The following PEAK1 variants were observed in gnomAD, a reference collection of about 807,000 sequenced individuals.
PEAK1 encodes the protein pseudopodium enriched atypical kinase 1.
Under a neutral mutation model 124.7 loss-of-function variants are expected in PEAK1, and 54 were observed. The ratio of observed to expected loss-of-function variants is 0.43; its 90% CI spans 0.35 to 0.54. The LOEUF (loss-of-function observed/expected upper bound fraction) is 0.54. Ranked by LOEUF, PEAK1 falls within the 20% of genes least tolerant of loss-of-function variation. The pLI is 0.01. For synonymous variants in PEAK1, 719 were observed against 760.0 expected (o/e 0.95, Z 0.89); for missense variants, 2,046 against 2,134.5 (o/e 0.96, Z 0.82).
chr15:77,363,157 C>CT (rs1170282099), intron 2 of PEAK1, among the ~76,000 whole-genome samples: 10 of 152,022 alleles, frequency 6.6e-5, no homozygotes, highest in South Asian at 2.1e-4. Flanking sequence ...TGCCAGACCA[C>CT]TTTTTTTAGC....
intron 6 of PEAK1, among the ~76,000 whole-genome samples, chr15:77,219,363 T>C (rs958899151): frequency 6.6e-6 from 1 of 152,134 alleles, no homozygotes; most frequent in African/African-American, 2.4e-5. Context: ...GGAGGGAGTG[T>C]ACACATTGTT....
intron 6 of PEAK1, among the ~76,000 whole-genome samples, chr15:77,204,310 G>A (rs929487384): frequency 6.6e-6 from 1 of 152,092 alleles, no homozygotes; most frequent in African/African-American, 2.4e-5. Flanking sequence ...ATGCAAAATG[G>A]TACAGACCCT....
intron 7 of PEAK1, among the ~76,000 whole-genome samples, chr15:77,169,786 T>G (rs562523773): frequency 6.6e-6 from 1 of 152,078 alleles, no homozygotes; most frequent in Admixed American, 6.6e-5. Context: ...ATTTTGGATG[T>G]TGGGGGTGAA....
chr15:77,355,990 G>A, intron 2 of PEAK1: 3 of 945,792 alleles, frequency 3.2e-6, no homozygotes, highest in Non-Finnish European at 3.8e-6. Flanking sequence ...TAACAAACGA[G>A]AAAAAGAACT....
intron 1 of PEAK1, chr15:77,371,404 T>C (rs1476780877): frequency 1.0e-6 from 1 of 960,574 alleles, no homozygotes; most frequent in Non-Finnish European, 1.2e-6. Context: ...AGTGAAGCCA[T>C]CAAAAAACTT....
chr15:77,342,902 A>G (rs1482476051), intron 2 of PEAK1, among the ~76,000 whole-genome samples: 1 of 152,144 alleles, frequency 6.6e-6, no homozygotes, highest in Non-Finnish European at 1.5e-5. Flanking sequence ...AGCTATTATA[A>G]ATAGTGTTGC....
intron 5 of PEAK1, among the ~76,000 whole-genome samples, chr15:77,269,868 G>T (rs1192748854): frequency 2.0e-5 from 3 of 152,114 alleles, no homozygotes; most frequent in Non-Finnish European, 4.4e-5. Flanking sequence ...CTGGTATGTT[G>T]TACCTTTGTT....
chr15:77,109,620 A>G lies in PEAK1; in HGVS notation c.*4536T>C, dbSNP rs1179314447. The stretch of plus-strand genomic sequence containing the variant: ...CTGTAAGCACGGACAGCTGGACTTC[A>G]GTGCGCACTTCAGCAAGAGCAGCAC... On this transcript the variant is annotated 3_prime_UTR_variant, in exon 10 of 10. Transcript: ENST00000682557. The G allele has an allele frequency of 1.3e-5, 2 of 152,224 alleles. No homozygotes were observed. The highest frequency in any genetic ancestry group is 2.9e-5 in the Non-Finnish European group (2 of 68,042). The allele number at this position is 152,224 out of a possible 1,614,324, so 9.4% of individuals were successfully genotyped here.
intron 6 of PEAK1, among the ~76,000 whole-genome samples, chr15:77,200,373 A>G (rs1567106319): frequency 6.6e-6 from 1 of 152,126 alleles, no homozygotes; most frequent in Non-Finnish European, 1.5e-5. Context: ...GTTTTTGAGG[A>G]GTCAAAAGTT....
intron 1 of PEAK1, among the ~76,000 whole-genome samples, chr15:77,383,301 C>T (rs993619156): frequency 1.3e-5 from 2 of 152,170 alleles, no homozygotes; most frequent in African/African-American, 4.8e-5. Flanking sequence ...GCTGGGATTA[C>T]AGACATGAGC....
At chr15:77,165,013 C>T (rs897413652) in intron 7 of PEAK1, among the ~76,000 whole-genome samples, 3 of 151,308 alleles carry the variant, frequency 2.0e-5, no homozygotes, top group African/African-American at 7.3e-5. Flanking sequence ...AAGAGATTTT[C>T]CTACCTCAGT....
At chr15:77,147,087 T>C (rs546493373) in intron 8 of PEAK1, among the ~76,000 whole-genome samples, 1 of 152,214 alleles carries the variant, frequency 6.6e-6, no homozygotes, top group South Asian at 2.1e-4. Context: ...TGTTGATCTA[T>C]AGAAAGGAAA....
In PEAK1 at chr15:77,352,765, C is replaced by G. The variant is rs2067284529; in HGVS notation, c.-603+12398G>C. 3 of 968,414 alleles carry G rather than the reference C, an allele frequency of 3.1e-6. No homozygotes were observed. The Admixed American group carries it at 1.9e-4, about 60-fold the overall frequency. The allele number at this position is 968,414 out of a possible 1,614,324, so 60.0% of individuals were successfully genotyped here. On this transcript the variant is annotated intron_variant, in intron 2 of 9. Transcript: ENST00000682557. ...AAAAATATTTTCCCTATAAGACAGA[C>G]ATACAAAAGTCAGGATCAACTTCTC... is the stretch of plus-strand genomic sequence containing the variant.
intron 2 of PEAK1, among the ~76,000 whole-genome samples, chr15:77,310,149 C>T (rs1446185671): frequency 2.0e-5 from 3 of 152,150 alleles, no homozygotes; most frequent in Non-Finnish European, 4.4e-5. Context: ...TGGACTAAAA[C>T]TCAGTAACTC....
intron 2 of PEAK1, among the ~76,000 whole-genome samples, chr15:77,303,390 C>T (rs2063893696): frequency 1.3e-5 from 2 of 152,190 alleles, no homozygotes; most frequent in Admixed American, 6.5e-5. Context: ...GTTCCTGTTA[C>T]TCCTGTTACT....
intron 6 of PEAK1, among the ~76,000 whole-genome samples, chr15:77,209,417 G>A (rs1304520341): frequency 1.3e-5 from 2 of 152,086 alleles, no homozygotes; most frequent in African/African-American, 4.8e-5. Context: ...GATGGCAAGG[G>A]CACTGAATCA....
At position 77,180,460 on chromosome 15, in the gene PEAK1, G is replaced by A. The variant is rs754934083; in HGVS notation, c.1467C>T (p.Leu489=). Reference sequence around the variant, plus strand: ...TCTTGGGGCTGTTAACAGGGCCCTCGAGGTGCTCACTGGCCATGGCTGCTG... The same window carrying A: ...TCTTGGGGCTGTTAACAGGGCCCTCAAGGTGCTCACTGGCCATGGCTGCTG... ...DVSAAMASEH[L]EGPVNSPKTK... Residue 489 remains leucine, a synonymous_variant, in exon 7 of 10, where the codon CTC becomes CTT. Transcript: ENST00000682557. The A allele has an allele frequency of 1.4e-5, 22 of 1,613,978 alleles. No individual in the cohort carries two copies. The East Asian group carries it at 2.7e-4, about 20-fold the overall frequency.
chr15:77,223,598 C>A (rs60863150), intron 6 of PEAK1, among the ~76,000 whole-genome samples: 33,607 of 151,844 alleles, frequency 0.22, 4,202 homozygotes, highest in Middle Eastern at 0.3. Flanking sequence ...GACAAAAGGT[C>A]TTGTAAAAAT....
intron 8 of PEAK1, among the ~76,000 whole-genome samples, chr15:77,150,582 T>C (rs942801212): frequency 1.3e-5 from 2 of 152,124 alleles, no homozygotes; most frequent in Non-Finnish European, 2.9e-5. Flanking sequence ...TACATATGTA[T>C]ACATGTGCCA....
Sources: allele counts gnomAD v4.1 joint callset (sites outside exome capture counted in the v4.1 genomes callset), GRCh38; gene constraint gnomAD v4.1.1; transcripts MANE v1.5; gene names NCBI Gene and HGNC (gene_info 2026-07-23, HGNC 2026-07-21).